Variants in MID1 observed in about 807,000 individuals in gnomAD.
The protein encoded by MID1 is midline 1, also known as E3 ubiquitin-protein ligase Midline-1.
In MID1, 7 loss-of-function variants were observed where a neutral mutation model predicts 40.4. That is an observed-to-expected ratio of 0.17 (90% CI 0.10 to 0.33). MID1 has a LOEUF of 0.33. MID1 is among the 10% of genes least tolerant of loss of function. The probability of loss-of-function intolerance (pLI) is 1.00; values close to 1 mark genes in which losing one functional copy is unlikely to be tolerated. For missense variants in MID1, 367 were observed against 558.5 expected (o/e 0.66, Z 3.46); for synonymous variants, 229 against 221.2 (o/e 1.04, Z -0.31).
At chrX:10,675,320 G>A (rs748506619) in intron 1 of MID1, among the ~76,000 whole-genome samples, 145 of 112,128 alleles carry the variant, frequency 1.3e-3, no homozygotes, top group Middle Eastern at 4.6e-3. Context: ...AAAATGCAGA[G>A]AGCCCCCTAA....
intron 1 of MID1, among the ~76,000 whole-genome samples, chrX:10,777,387 A>AT (rs2043810991): frequency 4.3e-3 from 1 of 234 alleles, no homozygotes; most frequent in South Asian, 0.2. Flanking sequence ...TTTAGTAGAG[A>AT]CGGGTTTCAC....
At chrX:10,492,719 G>A (rs1039962038) in intron 4 of MID1, among the ~76,000 whole-genome samples, 3 of 112,198 alleles carry the variant, frequency 2.7e-5, no homozygotes, top group African/African-American at 9.7e-5. Flanking sequence ...GCCTCTTCCA[G>A]ACCAAATCCC....
At chrX:10,631,848 T>C in intron 1 of MID1, among the ~76,000 whole-genome samples, 1 of 112,145 alleles carries the variant, frequency 8.9e-6, no homozygotes, top group Non-Finnish European at 1.9e-5. Context: ...ACTTTTTTTC[T>C]GTCATTAATG....
At chrX:10,524,348 G>C (rs764010516) in intron 2 of MID1, among the ~76,000 whole-genome samples, 3 of 111,205 alleles carry the variant, frequency 2.7e-5, no homozygotes, top group Admixed American at 9.6e-5. Flanking sequence ...GCTGGAAGAA[G>C]AACTGTCTTG....
chrX:10,754,159 T>C (rs990842131), intron 1 of MID1, among the ~76,000 whole-genome samples: 2 of 112,229 alleles, frequency 1.8e-5, no homozygotes, highest in Admixed American at 9.4e-5. Flanking sequence ...TTGTTTTTGT[T>C]TTGTTATGAG....
At position 10,448,431 on chromosome X, in the gene MID1, A is replaced by C. The variant is rs765180169; in HGVS notation, c.*937T>G. ...TACTCAGCCCCGGAGACAAAAGGAA[A>C]ATTGATATGGGGGAGCGGGAAATAG... On this transcript the variant is annotated 3_prime_UTR_variant, in exon 10 of 10. Transcript: ENST00000317552. The C allele has an allele frequency of 9.0e-5, 10 of 111,330 alleles. No individual in the cohort carries two copies. The highest frequency in any genetic ancestry group is 3.3e-4 in the African/African-American group (10 of 30,588). The allele number at this position is 111,330 out of a possible 1,213,427, so 9.2% of individuals were successfully genotyped here.
At chrX:10,612,326 G>C (rs558015819) in intron 1 of MID1, among the ~76,000 whole-genome samples, 2 of 111,739 alleles carry the variant, frequency 1.8e-5, no homozygotes, top group African/African-American at 6.5e-5. Flanking sequence ...CCACTGAAAA[G>C]GAACTCAAGT....
At chrX:10,462,966 A>AGAT (rs1361662546) in intron 7 of MID1, among the ~76,000 whole-genome samples, 1 of 112,153 alleles carries the variant, frequency 8.9e-6, no homozygotes, top group Non-Finnish European at 1.9e-5. Flanking sequence ...AATTAAAAAC[A>AGAT]GATAACTACT....
chrX:10,805,144 T>C (rs1476857286), intron 1 of MID1, among the ~76,000 whole-genome samples: 2 of 109,538 alleles, frequency 1.8e-5, no homozygotes, highest in Non-Finnish European at 3.8e-5. Flanking sequence ...TATGTATACA[T>C]GTGCCATGCT....
At chrX:10,763,061 T>C (rs1481151604) in intron 1 of MID1, among the ~76,000 whole-genome samples, 1 of 111,127 alleles carries the variant, frequency 9.0e-6, no homozygotes, top group African/African-American at 3.3e-5. Context: ...ACATGGTCTC[T>C]ATCCCAAATA....
At chrX:10,557,648 T>C (rs1488194734) in intron 2 of MID1, among the ~76,000 whole-genome samples, 1 of 112,078 alleles carries the variant, frequency 8.9e-6, no homozygotes, top group Non-Finnish European at 1.9e-5. Context: ...AAAACATTAT[T>C]TTGGTTTATA....
At position 10,527,147 on chromosome X, in the gene MID1, T is replaced by C. The variant is rs139933898; in HGVS notation, c.661-3960A>G. Among the ~76,000 whole-genome samples the C allele has an allele frequency of 5.6e-3, 626 of 112,282 alleles. 4 individuals carry two copies. The highest frequency in any genetic ancestry group is 0.019 in the African/African-American group (590 of 30,915). On this transcript the variant is annotated intron_variant, in intron 2 of 9. Transcript: ENST00000317552. ...GGGATTAAGTAGATATCAGTTTCTA[T>C]ACTGCCCTATGGATATCTAAAAAAA...
Position 10,662,578 on chromosome X carries a change from G to A in MID1, c.-186-42159C>T, listed in dbSNP as rs1429862495. ...TGTGTACTCATACAATGTTAGGATC[G>A]GCAGGACCATAGGAATCTCCTAATT... On this transcript the variant is annotated intron_variant, in intron 1 of 10. Coordinates refer to the MID1 transcript ENST00000380785. Among the ~76,000 whole-genome samples, 29 of 110,868 alleles carry A rather than the reference G, an allele frequency of 2.6e-4. 1 individual carries two copies. In the South Asian group the frequency reaches 5.5e-3, roughly 21 times the overall value.
chrX:10,824,909 T>C (rs1200850588), intron 1 of MID1, among the ~76,000 whole-genome samples: 1 of 111,172 alleles, frequency 9.0e-6, no homozygotes, highest in Non-Finnish European at 1.9e-5. Flanking sequence ...TATCTGAAAG[T>C]TCATACAAAC....
intron 1 of MID1, among the ~76,000 whole-genome samples, chrX:10,589,161 A>C (rs1393430847): frequency 1.8e-5 from 2 of 112,002 alleles, no homozygotes; most frequent in Non-Finnish European, 3.8e-5. Flanking sequence ...CCAGAAATCT[A>C]AGCCAGGTCA....
intron 1 of MID1, among the ~76,000 whole-genome samples, chrX:10,735,415 A>C (rs1273932885): frequency 9.0e-6 from 1 of 111,608 alleles, no homozygotes; most frequent in Non-Finnish European, 1.9e-5. Context: ...AGGGATTTTT[A>C]AACACACTAC....
At chrX:10,749,461 C>T (rs2043583628) in intron 1 of MID1, among the ~76,000 whole-genome samples, 1 of 111,996 alleles carries the variant, frequency 8.9e-6, no homozygotes, top group Non-Finnish European at 1.9e-5. Flanking sequence ...GAAAGAGGGG[C>T]AGCACTGTTA....
chrX:10,552,571 TTG>T (rs1933954888), intron 2 of MID1, among the ~76,000 whole-genome samples: 2 of 111,439 alleles, frequency 1.8e-5, no homozygotes, highest in Admixed American at 9.5e-5. Context: ...ACTTTTTTAT[TTG>T]TGTTTTTATC....
chrX:10,505,852 G>A lies in MID1; in HGVS notation c.757-10161C>T, dbSNP rs758976798. The A allele has an allele frequency of 2.7e-3, 2,046 of 752,501 alleles. 2 individuals carry two copies. The highest frequency in any genetic ancestry group is 2.9e-3 in the Non-Finnish European group (1,849 of 638,582). 62.0% of individuals were successfully genotyped at this position (752,501 alleles called of 1,213,427 possible). On this transcript the variant is annotated intron_variant, in intron 3 of 9. Coordinates refer to ENST00000317552, the MANE Select transcript of MID1 (RefSeq NM_000381.4). ...TGTGCCATGATTCCTGAAAAGTGATGTACTGGAAAAATACTGAGTTGGACC... is the reference window on the plus strand; with the variant it reads ...TGTGCCATGATTCCTGAAAAGTGATATACTGGAAAAATACTGAGTTGGACC...
Sources: allele counts gnomAD v4.1 joint callset (sites outside exome capture counted in the v4.1 genomes callset), GRCh38; gene constraint gnomAD v4.1.1; transcripts MANE v1.5; gene names NCBI Gene and HGNC (gene_info 2026-07-23, HGNC 2026-07-21).